MARCHF1: variants seen among roughly 807,000 people sequenced by gnomAD.
MARCHF1 encodes E3 ubiquitin-protein ligase MARCHF1.
Under a neutral mutation model 54.2 loss-of-function variants are expected in MARCHF1, and 40 were observed. The observed-to-expected ratio is 0.74, with a 90% CI of 0.57 to 0.96. The LOEUF (loss-of-function observed/expected upper bound fraction) is 0.96. Among genes scored for constraint, MARCHF1 ranks in the 40% least tolerant of loss-of-function variants. MARCHF1 has a pLI of 0.00. For missense variants in MARCHF1, 586 were observed against 656.5 expected (o/e 0.89, Z 1.17); for synonymous variants, 236 against 236.3 (o/e 1.00, Z 0.01).
chr4:163,852,590 C>T (rs59327870), intron 4 of MARCHF1, among the ~76,000 whole-genome samples: 5,353 of 152,156 alleles, frequency 0.035, 193 homozygotes, highest in African/African-American at 0.086. Flanking sequence ...CAAAAGGAAA[C>T]CATTCCCTAA....
At chr4:164,037,944 A>G (rs1371421967) in intron 2 of MARCHF1, among the ~76,000 whole-genome samples, 2 of 152,190 alleles carry the variant, frequency 1.3e-5, no homozygotes, top group Admixed American at 6.5e-5. Context: ...CCGGAAATGG[A>G]GAGAAATTAG....
At chr4:163,744,701 C>T (rs1412903136) in intron 4 of MARCHF1, among the ~76,000 whole-genome samples, 2 of 152,140 alleles carry the variant, frequency 1.3e-5, no homozygotes, top group Non-Finnish European at 2.9e-5. Flanking sequence ...GAAAATGTTA[C>T]ACCTTTTCCT....
Position 163,631,202 on chromosome 4 carries a change from C to CTT in MARCHF1, c.163-17811_163-17810dup, listed in dbSNP as rs11453826. Among the ~76,000 whole-genome samples the CTT allele has an allele frequency of 7.5e-5, 11 of 146,936 alleles. No individual in the cohort carries two copies. In the East Asian group the frequency reaches 1.4e-3, roughly 18 times the overall value. ...ATGTAACAGAAAATAAGTTGCAGAACTTTTTTTTTTTTGAGATGGAGTCTC... is the reference window on the plus strand; with the variant it reads ...ATGTAACAGAAAATAAGTTGCAGAACTTTTTTTTTTTTTTGAGATGGAGTCTC... On this transcript the variant is annotated intron_variant, in intron 5 of 9. Coordinates refer to ENST00000514618, the MANE Select transcript of MARCHF1 (RefSeq NM_001394959.1).
chr4:164,198,005 C>T (rs1316894070), intron 1 of MARCHF1, among the ~76,000 whole-genome samples: 1 of 152,180 alleles, frequency 6.6e-6, no homozygotes, highest in African/African-American at 2.4e-5. Flanking sequence ...CTCCCCTCTA[C>T]ACTACTTACT....
intron 2 of MARCHF1, among the ~76,000 whole-genome samples, chr4:164,078,976 C>G (rs1257635876): frequency 6.6e-6 from 1 of 152,080 alleles, no homozygotes; most frequent in Non-Finnish European, 1.5e-5. Flanking sequence ...CCTGCTCTCT[C>G]AAAACTCTTA....
chr4:163,965,648 G>T (rs1280431156), intron 3 of MARCHF1, among the ~76,000 whole-genome samples: 1 of 152,030 alleles, frequency 6.6e-6, no homozygotes, highest in African/African-American at 2.4e-5. Flanking sequence ...TAGTTTATAT[G>T]TTCACTCCTC....
chr4:164,005,728 A>G (rs1753271994), intron 2 of MARCHF1, among the ~76,000 whole-genome samples: 1 of 152,122 alleles, frequency 6.6e-6, no homozygotes, highest in South Asian at 2.1e-4. Flanking sequence ...AGGCTTGGAA[A>G]CAATGCTCTA....
chr4:164,277,570 C>A (rs906809307), intron 1 of MARCHF1, among the ~76,000 whole-genome samples: 2 of 152,212 alleles, frequency 1.3e-5, no homozygotes, highest in Non-Finnish European at 1.5e-5. Flanking sequence ...TAGAAAGGAT[C>A]GTCTTTCCAC....
intron 2 of MARCHF1, among the ~76,000 whole-genome samples, chr4:164,023,016 C>T (rs1753696221): frequency 1.3e-5 from 2 of 152,268 alleles, no homozygotes; most frequent in South Asian, 2.1e-4. Context: ...GGTTCCAGCA[C>T]CCCAGGGTTG....
chr4:163,991,408 C>T lies in MARCHF1; in HGVS notation c.-247-2699G>A, dbSNP rs1313108193. Among the ~76,000 whole-genome samples the T allele has an allele frequency of 2.6e-5, 4 of 152,282 alleles. No homozygotes were observed. The East Asian group carries it at 5.8e-4, about 22-fold the overall frequency. Reference sequence around the variant, plus strand: ...CATCAGCTAATATCAATGTCTTGCACTTACCTAATACCTTTCCTCAAGCAG... The same window carrying T: ...CATCAGCTAATATCAATGTCTTGCATTTACCTAATACCTTTCCTCAAGCAG... On this transcript the variant is annotated intron_variant, in intron 2 of 9. Coordinates refer to ENST00000514618, the MANE Select transcript of MARCHF1 (RefSeq NM_001394959.1).
chr4:163,734,398 T>C (rs1348676846), intron 4 of MARCHF1, among the ~76,000 whole-genome samples: 2 of 152,126 alleles, frequency 1.3e-5, no homozygotes, highest in Non-Finnish European at 2.9e-5. Context: ...GCCTTCTTTC[T>C]AACAGCAAAA....
intron 2 of MARCHF1, among the ~76,000 whole-genome samples, chr4:164,093,652 C>T (rs367721819): frequency 5.3e-5 from 8 of 152,106 alleles, no homozygotes; most frequent in South Asian, 2.1e-4. Context: ...TTTCTGGCAG[C>T]GTCTCTCACA....
At chr4:164,333,283 C>A (rs1177484980) in intron 1 of MARCHF1, among the ~76,000 whole-genome samples, 1 of 152,056 alleles carries the variant, frequency 6.6e-6, no homozygotes, top group Non-Finnish European at 1.5e-5. Flanking sequence ...AGATGTAACT[C>A]ATTTTATTAT....
intron 3 of MARCHF1, among the ~76,000 whole-genome samples, chr4:163,882,305 A>T (rs1750433968): frequency 6.6e-6 from 1 of 152,218 alleles, no homozygotes; most frequent in Admixed American, 6.5e-5. Context: ...CAAAGATGAC[A>T]TAGAAATTCT....
At chr4:163,578,509 A>G (rs1740111927) in intron 8 of MARCHF1, among the ~76,000 whole-genome samples, 1 of 152,128 alleles carries the variant, frequency 6.6e-6, no homozygotes, top group South Asian at 2.1e-4. Context: ...CCGTATTCCC[A>G]ATTCTCTCCC....
intron 1 of MARCHF1, among the ~76,000 whole-genome samples, chr4:164,350,411 A>G (rs1269463311): frequency 6.6e-6 from 1 of 152,134 alleles, no homozygotes; most frequent in Non-Finnish European, 1.5e-5. Flanking sequence ...ACAGCTAGAT[A>G]AGAGGAATAA....
chr4:164,038,742 T>A (rs1165381867), intron 2 of MARCHF1, among the ~76,000 whole-genome samples: 2 of 152,184 alleles, frequency 1.3e-5, no homozygotes, highest in Non-Finnish European at 2.9e-5. Flanking sequence ...GTCAGCTCCA[T>A]CCTACGTCTA....
intron 4 of MARCHF1, among the ~76,000 whole-genome samples, chr4:163,705,004 CATT>C (rs1288090595): frequency 1.3e-5 from 2 of 151,448 alleles, no homozygotes; most frequent in Non-Finnish European, 3.0e-5. Context: ...CTACATGTAA[CATT>C]ATTGCAACAA....
intron 7 of MARCHF1, among the ~76,000 whole-genome samples, chr4:163,598,126 A>G (rs1740833590): frequency 6.6e-6 from 1 of 152,196 alleles, no homozygotes; most frequent in East Asian, 1.9e-4. Context: ...TAGGTATGTG[A>G]GATTCTGCTG....
Sources: allele counts gnomAD v4.1 joint callset (sites outside exome capture counted in the v4.1 genomes callset), GRCh38; gene constraint gnomAD v4.1.1; transcripts MANE v1.5; gene names NCBI Gene and HGNC (gene_info 2026-07-23, HGNC 2026-07-21).